The following AFF4 variants were observed in gnomAD, a reference collection of about 807,000 sequenced individuals.
AFF4 encodes the protein ALF transcription elongation factor 4, also known as AF4/FMR2 family member 4.
AFF4 carries 13 observed loss-of-function variants against 124.8 expected under a neutral mutation model. That is an observed-to-expected ratio of 0.10 (90% CI 0.07 to 0.17). The LOEUF (loss-of-function observed/expected upper bound fraction) is 0.17, where lower values mean the gene tolerates loss of function less well. Among genes scored for constraint, AFF4 ranks in the 10% least tolerant of loss-of-function variants. The probability of loss-of-function intolerance (pLI) is 1.00; values close to 1 mark genes in which losing one functional copy is unlikely to be tolerated. For missense variants in AFF4, 1,092 were observed against 1,403.8 expected (o/e 0.78, Z 3.55); for synonymous variants, 477 against 496.1 (o/e 0.96, Z 0.51).
chr5:132,954,240 A>G (rs1761903187), intron 1 of AFF4, among the ~76,000 whole-genome samples: 1 of 152,246 alleles, frequency 6.6e-6, no homozygotes, highest in South Asian at 2.1e-4. Flanking sequence ...ATCATCAGGC[A>G]TTAGTTAGAT....
chr5:132,924,922 T>C lies in AFF4; in HGVS notation c.1050+2199A>G, dbSNP rs534848053. Among the ~76,000 whole-genome samples the C allele has an allele frequency of 5.3e-5, 8 of 151,770 alleles. No individual in the cohort carries two copies. The South Asian group carries it at 1.0e-3, about 20-fold the overall frequency. On this transcript the variant is annotated intron_variant, in intron 5 of 20. Coordinates refer to ENST00000265343, the MANE Select transcript of AFF4 (RefSeq NM_014423.4). ...CAGGTGCGTTGGCTCACACCTGTAATCCTAGCACTTTGGGAGGCCAAGGCG... is the reference window on the plus strand; with the variant it reads ...CAGGTGCGTTGGCTCACACCTGTAACCCTAGCACTTTGGGAGGCCAAGGCG...
chr5:132,923,320 C>A (rs1014207128), intron 5 of AFF4, among the ~76,000 whole-genome samples: 2 of 151,684 alleles, frequency 1.3e-5, no homozygotes, highest in Non-Finnish European at 2.9e-5. Context: ...CACTGCACTG[C>A]GGCCTGGATG....
intron 2 of AFF4, among the ~76,000 whole-genome samples, chr5:132,935,594 A>C (rs913940985): frequency 3.3e-5 from 5 of 152,118 alleles, no homozygotes; most frequent in African/African-American, 1.2e-4. Context: ...AACATGGTGA[A>C]ACCCCGTTTC....
intron 11 of AFF4, among the ~76,000 whole-genome samples, chr5:132,896,037 T>C (rs1217987662): frequency 6.6e-6 from 1 of 152,212 alleles, no homozygotes; most frequent in Non-Finnish European, 1.5e-5. Flanking sequence ...CAAATGCCAA[T>C]TTGCAAGCTG....
chr5:132,914,413 C>T lies in AFF4; in HGVS notation c.1051-10009G>A, dbSNP rs560110588. ...GTCAGGAGTTCGAGACCAGCCTGAC[C>T]AACATGGTGAAACCCCGTCTCTAAT... On this transcript the variant is annotated intron_variant, in intron 5 of 20. Coordinates refer to ENST00000265343, the MANE Select transcript of AFF4 (RefSeq NM_014423.4). Among the ~76,000 whole-genome samples, 104 of 151,822 alleles carry T rather than the reference C, an allele frequency of 6.9e-4. 1 individual carries two copies. The highest frequency in any genetic ancestry group is 1.8e-3 in the Admixed American group (27 of 15,250).
intron 8 of AFF4, 150 bp from the exon 9 acceptor site, chr5:132,899,291 G>A: frequency 2.8e-6 from 2 of 725,564 alleles, no homozygotes; most frequent in Non-Finnish European, 4.4e-6. Context: ...TACCTGAAGA[G>A]TAACTGAATT....
chr5:132,942,109 A>C (rs1259853105), intron 1 of AFF4, among the ~76,000 whole-genome samples: 2 of 151,926 alleles, frequency 1.3e-5, no homozygotes, highest in Non-Finnish European at 1.5e-5. Context: ...AGGTTGAGTG[A>C]GGGTTCAGTC....
At position 132,892,348 on chromosome 5, in the gene AFF4, G is replaced by A; in HGVS notation, c.2453C>T (p.Pro818Leu). ...EKDLLPSPAG[P>L]VPSKDPKTEH... is the part of the protein sequence containing the mutation. ...TGTTTTTGGATCTTTTGAAGGAACA[G>A]GCCCAGCGGGAGAAGGCAACAAATC... is the stretch of plus-strand genomic sequence containing the variant. The change falls in exon 13 of 21, where the codon CCT (proline) becomes CTT (leucine). Residue 818 changes from proline (P) to leucine (L), a missense_variant. Transcript: ENST00000265343. 6.2e-7 allele frequency: 1 copy of A among 1,614,054 alleles called. No individual in the cohort carries two copies. The highest frequency in any genetic ancestry group is 8.5e-7 in the Non-Finnish European group (1 of 1,179,934).
chr5:132,956,187 A>G (rs1258009945), intron 1 of AFF4, among the ~76,000 whole-genome samples: 1 of 152,162 alleles, frequency 6.6e-6, no homozygotes, highest in Non-Finnish European at 1.5e-5. Context: ...TTAGGGCCAC[A>G]GTAAATATTT....
chr5:132,887,126 C>T (rs540947476), intron 17 of AFF4, among the ~76,000 whole-genome samples: 3 of 152,262 alleles, frequency 2.0e-5, no homozygotes, highest in East Asian at 1.9e-4. Flanking sequence ...CTGTAACAAT[C>T]GAACTGATAA....
At chr5:132,963,112 G>A (rs1762118515) in intron 1 of AFF4, 147 bp downstream of exon 1, 2 of 332,230 alleles carry the variant, frequency 6.0e-6, no homozygotes, top group Non-Finnish European at 1.1e-5. Flanking sequence ...CAGATGAGAG[G>A]AGGGGTGACG....
In AFF4 at chr5:132,934,717, G is replaced by T. The variant is rs1388852704; in HGVS notation, c.348C>A (p.Ser116Arg). Reference protein sequence around the residue: ...SKWTPVGPAPSTSQSQKRSSG... With the variant: ...SKWTPVGPAPRTSQSQKRSSG... ...AGGACCGTTTCTGAGACTGAGAAGT[G>T]CTGGGTGCGGGTCCTACTGGAGTCC... Residue 116 changes from serine (S) to arginine (R), a missense_variant, in exon 3 of 21, where the codon AGC becomes AGA. Physicochemically the swap from Ser to Arg is moderately radical, Grantham distance 110. This residue lies in a region of AFF4 where 188 missense variants were observed against 203.0 expected (regional missense o/e 0.93). Transcript: ENST00000265343. 6.2e-7 allele frequency: 1 copy of T among 1,614,144 alleles called. No homozygotes were observed. The highest frequency in any genetic ancestry group is 1.1e-5 in the South Asian group (1 of 91,076).
intron 3 of AFF4, among the ~76,000 whole-genome samples, chr5:132,932,812 T>C (rs140865632): frequency 5.4e-4 from 82 of 152,318 alleles, no homozygotes; most frequent in African/African-American, 1.9e-3. Context: ...TTGCTTATTC[T>C]AAGGCACAAA....
chr5:132,910,380 T>C (rs1760766947), intron 5 of AFF4, among the ~76,000 whole-genome samples: 2 of 152,176 alleles, frequency 1.3e-5, no homozygotes, highest in Admixed American at 1.3e-4. Flanking sequence ...GATGTGTTCC[T>C]TATCAACCCA....
intron 5 of AFF4, among the ~76,000 whole-genome samples, chr5:132,910,079 G>A (rs1760758522): frequency 6.6e-6 from 1 of 152,132 alleles, no homozygotes; most frequent in Non-Finnish European, 1.5e-5. Flanking sequence ...CCAAATGTTT[G>A]GTACAGGCAA....
In AFF4 at chr5:132,934,578, T is replaced by C. The variant is rs763255511; in HGVS notation, c.487A>G (p.Ser163Gly). ...GATCCATGCTGGCCTTTTTTCCGGC[T>C]ACTGCTCCCACTATTGTTATATGAC... ...RESYNNSGSS[S>G]RKKGQHGSEH... The change falls in exon 3 of 21, where the codon AGC becomes GGC. Residue 163 changes from serine to glycine, a missense_variant. By Grantham distance (56) the Ser-to-Gly change is moderately conservative. This residue lies in a region of AFF4 where 188 missense variants were observed against 203.0 expected (regional missense o/e 0.93). Coordinates refer to ENST00000265343, the MANE Select transcript of AFF4 (RefSeq NM_014423.4). The C allele has an allele frequency of 2.5e-6, 4 of 1,614,192 alleles. No homozygotes were observed. Among genetic ancestry groups the C allele is most frequent in the Non-Finnish European group, 3.4e-6 (4 of 1,180,026 alleles).
intron 6 of AFF4, among the ~76,000 whole-genome samples, 168 bp from the exon 7 acceptor site, chr5:132,902,655 A>G (rs1198562110): frequency 6.6e-6 from 1 of 152,246 alleles, no homozygotes; most frequent in Non-Finnish European, 1.5e-5. Flanking sequence ...TGGTGACTAC[A>G]GGGGAAATAA....
intron 2 of AFF4, among the ~76,000 whole-genome samples, chr5:132,935,154 T>C (rs1160629200): frequency 2.6e-5 from 4 of 151,870 alleles, no homozygotes; most frequent in African/African-American, 9.7e-5. Flanking sequence ...AAAATAACCA[T>C]AGTAAAATAT....
chr5:132,882,398 G>A (rs906567715), intron 20 of AFF4, among the ~76,000 whole-genome samples: 1 of 152,180 alleles, frequency 6.6e-6, no homozygotes, highest in African/African-American at 2.4e-5. Flanking sequence ...TGCCTAAAGA[G>A]AAGCTGCATG....
Sources: allele counts gnomAD v4.1 joint callset (sites outside exome capture counted in the v4.1 genomes callset), GRCh38; gene constraint gnomAD v4.1.1; regional missense constraint gnomAD v4.1.1; transcripts MANE v1.5; gene names NCBI Gene and HGNC (gene_info 2026-07-23, HGNC 2026-07-21).